PRRT4: variants seen among roughly 807,000 people sequenced by gnomAD.
PRRT4 encodes the protein proline rich transmembrane protein 4.
PRRT4 carries 59 observed loss-of-function variants against 55.6 expected under a neutral mutation model. That is an observed-to-expected ratio of 1.06 (90% CI 0.86 to 1.32). The LOEUF is 1.32. Among genes scored for constraint, PRRT4 ranks in the 40% most tolerant of loss-of-function variants. The probability of loss-of-function intolerance (pLI) is 0.00; values close to 1 mark genes in which losing one functional copy is unlikely to be tolerated. For missense variants in PRRT4, 1,217 were observed against 1,222.0 expected (o/e 1.00, Z 0.06); for synonymous variants, 606 against 601.8 (o/e 1.01, Z -0.10).
At chr7:128,351,676 G>A (rs1194367648) in exon 5 of PRRT4, 2 of 1,512,342 alleles carry the variant, frequency 1.3e-6, no homozygotes, top group Non-Finnish European at 1.8e-6. Context: ...CGGCACGCGA[G>A]GACTGCAGAG....
intron 4 of PRRT4, among the ~76,000 whole-genome samples, chr7:128,356,721 A>T (rs1797119024): frequency 6.6e-6 from 1 of 152,210 alleles, no homozygotes; most frequent in Non-Finnish European, 1.5e-5. Context: ...GAACAGTTTG[A>T]TTCATGGAAA....
chr7:128,351,973 G>T (rs1417478900), exon 5 of PRRT4: 1 of 1,297,104 alleles, frequency 7.7e-7, no homozygotes, highest in Non-Finnish European at 9.8e-7. Flanking sequence ...TCCCAGGGGC[G>T]CCCCGGCCCG....
intron 4 of PRRT4, among the ~76,000 whole-genome samples, chr7:128,355,653 C>T (rs1289531118): frequency 6.6e-6 from 1 of 152,164 alleles, no homozygotes; most frequent in African/African-American, 2.4e-5. Context: ...CACCTCACCC[C>T]TCATTCTTTG....
At chr7:128,352,133 G>C (rs1341131666) in exon 5 of PRRT4, 1 of 1,262,210 alleles carries the variant, frequency 7.9e-7, no homozygotes, top group Non-Finnish European at 9.9e-7. Flanking sequence ...GCCAGCCCCA[G>C]CCCCAGGAGC....
intron 4 of PRRT4, among the ~76,000 whole-genome samples, chr7:128,352,927 G>GC (rs1208725958): frequency 6.6e-6 from 1 of 151,350 alleles, no homozygotes; most frequent in Non-Finnish European, 1.5e-5. Context: ...CTCTGCCTCG[G>GC]CCCCCCAGCT....
chr7:128,359,805 G>A, exon 2 of PRRT4: 1 of 1,525,988 alleles, frequency 6.6e-7, no homozygotes, highest in South Asian at 1.2e-5. Flanking sequence ...ACAGCAGCAG[G>A]TCCCCGAAGA....
chr7:128,359,072 G>A, intron 3 of PRRT4, 77 bp downstream of exon 4: 1 of 1,431,114 alleles, frequency 7.0e-7, no homozygotes, highest in Non-Finnish European at 9.6e-7. Flanking sequence ...AAAAAGAAAG[G>A]TACTTGTTAG....
At chr7:128,352,275 TCGATCC>T (rs1192498569) in exon 5 of PRRT4, 5 of 1,543,136 alleles carry the variant, frequency 3.2e-6, no homozygotes, top group Non-Finnish European at 4.4e-6. Context: ...GCGCGGGCAG[TCGATCC>T]CTGTGCCCAT....
exon 5 of PRRT4, chr7:128,352,611 C>T: frequency 6.5e-7 from 1 of 1,542,640 alleles, no homozygotes; most frequent in Non-Finnish European, 8.7e-7. Context: ...ACTCTGGCTG[C>T]CCCGAAGGGT....
chr7:128,361,095 TCTCTCTCTCACA>T (rs1355672910), intron 1 of PRRT4, among the ~76,000 whole-genome samples, 199 bp downstream of exon 2: 104 of 133,690 alleles, frequency 7.8e-4, no homozygotes, highest in African/African-American at 2.9e-3. Flanking sequence ...TCTCTCTCTC[TCTCTCTCTCACA>T]CACACACACA....
exon 5 of PRRT4, chr7:128,352,433 C>T (rs1797009732): frequency 7.8e-6 from 12 of 1,537,358 alleles, no homozygotes; most frequent in Non-Finnish European, 1.0e-5. Flanking sequence ...GCAACCAGGC[C>T]GAAGAGCGCG....
At chr7:128,351,512 C>A in exon 5 of PRRT4, 1 of 1,497,414 alleles carries the variant, frequency 6.7e-7, no homozygotes. Context: ...GGGCCTGGCC[C>A]TGCCAGCGCG....
downstream of PRRT4, chr7:128,350,731 A>C: frequency 7.1e-7 from 1 of 1,409,446 alleles, no homozygotes. Flanking sequence ...GGACCCCTGG[A>C]TGGGGAAGGA....
chr7:128,360,714 C>T (rs1797229729), intron 1 of PRRT4, among the ~76,000 whole-genome samples: 1 of 152,114 alleles, frequency 6.6e-6, no homozygotes, highest in African/African-American at 2.4e-5. Context: ...TCCCTAGGAC[C>T]CTTGAAGTAT....
chr7:128,358,921 T>C lies in PRRT4; in HGVS notation c.758-121A>G. 2 of 1,419,826 alleles carry C rather than the reference T, an allele frequency of 1.4e-6. No homozygotes were observed. Among genetic ancestry groups the C allele is most frequent in the Non-Finnish European group, 1.9e-6 (2 of 1,072,814 alleles). 88.0% of individuals were successfully genotyped at this position (1,419,826 alleles called of 1,614,324 possible). On this transcript the variant is annotated intron_variant, in intron 3 of 4. Coordinates refer to ENST00000535159, the Ensembl canonical transcript of PRRT4. This position sits in a 1 kb window ranked among gnomAD's most constrained non-coding sequence, Gnocchi z 4.4. ...CTAAGGAAGTCACTGTCCCAGGAATTGTAGCCACATGCTAAGCTCATGTAC... is the reference window on the plus strand; with the variant it reads ...CTAAGGAAGTCACTGTCCCAGGAATCGTAGCCACATGCTAAGCTCATGTAC...
At chr7:128,361,103 T>TCA (rs71160634) in intron 1 of PRRT4, among the ~76,000 whole-genome samples, 3,856 of 77,406 alleles carry the variant, frequency 0.05, 154 homozygotes, top group African/African-American at 0.12. Context: ...TCTCTCTCTC[T>TCA]CACACACACA....
At chr7:128,350,721 G>A, downstream of PRRT4, 2 of 1,394,824 alleles carry the variant, frequency 1.4e-6, no homozygotes, top group South Asian at 1.5e-5. Context: ...ACCCACCCAG[G>A]GACCCCTGGA....
chr7:128,357,186 G>T (rs1444818464), intron 4 of PRRT4, among the ~76,000 whole-genome samples: 1 of 149,796 alleles, frequency 6.7e-6, no homozygotes, highest in African/African-American at 2.5e-5. Context: ...GACTCCCTTT[G>T]TATGGTAACT....
chr7:128,351,705 C>G (rs1326352932), exon 5 of PRRT4: 2 of 1,496,478 alleles, frequency 1.3e-6, no homozygotes, highest in Non-Finnish European at 1.8e-6. Context: ...AGAGGCCCAG[C>G]AGCGCCAACG....
Sources: allele counts gnomAD v4.1 joint callset (sites outside exome capture counted in the v4.1 genomes callset), GRCh38; gene constraint gnomAD v4.1.1; non-coding constraint Gnocchi (gnomAD v3.1); transcripts MANE v1.5; gene names NCBI Gene and HGNC (gene_info 2026-07-23, HGNC 2026-07-21).